CACNA1B: variants seen among roughly 807,000 people sequenced by gnomAD.
The protein encoded by CACNA1B is voltage-dependent N-type calcium channel subunit alpha-1B.
A neutral mutation model predicts 247.2 loss-of-function variants in CACNA1B; 70 were observed. The observed-to-expected ratio is 0.28, with a 90% confidence interval of 0.23 to 0.35. The LOEUF (loss-of-function observed/expected upper bound fraction) is 0.35. Among genes scored for constraint, CACNA1B ranks in the 10% least tolerant of loss-of-function variants. The pLI, the probability that CACNA1B is intolerant of heterozygous loss-of-function variation, is 1.00. For synonymous variants in CACNA1B, 1,231 were observed against 1,294.4 expected (o/e 0.95, Z 1.05); for missense variants, 2,367 against 3,197.4 (o/e 0.74, Z 6.26).
At chr9:137,978,158 C>T (rs1467230050) in intron 12 of CACNA1B, among the ~76,000 whole-genome samples, 7 of 144,692 alleles carry the variant, frequency 4.8e-5, no homozygotes, top group Non-Finnish European at 9.1e-5. Flanking sequence ...AGCACTACTT[C>T]CCCCCCAGGA....
rs201281735 is a variant in CACNA1B, at chr9:137,986,897, G to A, written c.1974+43G>A. On this transcript the variant is annotated intron_variant, in intron 15 of 46. Coordinates refer to ENST00000371372, the MANE Select transcript of CACNA1B (RefSeq NM_000718.4). The surrounding 1 kb of genome is among the most constrained non-coding windows in gnomAD (Gnocchi z 6.0). ...CACATTTGCGGCCTGCCCGGCTCCC[G>A]TCTCCCCTGGGTGCTGGGAAGGCGG... 12 of 1,437,042 alleles carry A rather than the reference G, an allele frequency of 8.4e-6. No homozygotes were observed. The highest frequency in any genetic ancestry group is 3.4e-5 in the South Asian group (3 of 87,362). The allele number at this position is 1,437,042 out of a possible 1,614,324, so 89.0% of individuals were successfully genotyped here.
intron 20 of CACNA1B, among the ~76,000 whole-genome samples, chr9:138,035,995 A>G (rs1959037895): frequency 6.6e-6 from 1 of 152,192 alleles, no homozygotes; most frequent in Non-Finnish European, 1.5e-5. Flanking sequence ...TCTAATTGAC[A>G]GAGATTTCTC....
chr9:137,985,338 G>T (rs1589049389), intron 13 of CACNA1B, among the ~76,000 whole-genome samples: 2 of 152,182 alleles, frequency 1.3e-5, no homozygotes, highest in South Asian at 4.1e-4. Context: ...TCAGACTTCT[G>T]TTGCCTTCCC....
intron 3 of CACNA1B, among the ~76,000 whole-genome samples, chr9:137,901,516 G>A (rs1174353736): frequency 6.6e-6 from 1 of 151,904 alleles, no homozygotes; most frequent in Non-Finnish European, 1.5e-5. Context: ...AGTAGCGATG[G>A]GGTTATTATT....
rs995001888 is a variant in CACNA1B, at chr9:138,023,136, G to A, written c.2393G>A (p.Arg798His). The change falls in exon 19 of 47, where the codon CGC (arginine) becomes CAC (histidine). Residue 798 changes from arginine to histidine, a missense_variant. Arg to His is a conservative substitution (Grantham distance 29). Coordinates refer to ENST00000371372, the MANE Select transcript of CACNA1B (RefSeq NM_000718.4). ...GAGATGGACCCCGAGGAGCGGCTGC[G>A]CTTCGCCACTACGCGCCACCTGCGG... ...YSEMDPEERLRFATTRHLRPD... is the reference protein window; with the variant it reads ...YSEMDPEERLHFATTRHLRPD... 3 of 1,536,860 alleles carry A rather than the reference G, an allele frequency of 2.0e-6. No individual in the cohort carries two copies. Among genetic ancestry groups the A allele is most frequent in the African/African-American group, 2.8e-5 (2 of 71,448 alleles).
At chr9:137,926,108 G>A (rs1445684757) in intron 6 of CACNA1B, among the ~76,000 whole-genome samples, 5 of 127,772 alleles carry the variant, frequency 3.9e-5, no homozygotes, top group Admixed American at 9.9e-5. Context: ...TCACTCTGTC[G>A]CCCAGGCTGG....
At chr9:137,921,317 G>A (rs1024118481) in intron 6 of CACNA1B, among the ~76,000 whole-genome samples, 20 of 132,276 alleles carry the variant, frequency 1.5e-4, no homozygotes, top group Middle Eastern at 5.7e-3. Context: ...CCACGGCCGC[G>A]CAGCATCCTG....
chr9:137,885,142 G>T (rs1266472127), intron 3 of CACNA1B, among the ~76,000 whole-genome samples: 2 of 150,294 alleles, frequency 1.3e-5, no homozygotes, highest in African/African-American at 4.9e-5. Flanking sequence ...CGTTGCTGGG[G>T]TGGCTCCCAG....
In CACNA1B at chr9:138,102,676, C is replaced by G. The variant is rs1373580301; in HGVS notation, c.5223-35C>G. The G allele has an allele frequency of 7.2e-7, 1 of 1,380,738 alleles. No homozygotes were observed. Among genetic ancestry groups the G allele is most frequent in the Non-Finnish European group, 1.0e-6 (1 of 977,024 alleles). The allele number at this position is 1,380,738 out of a possible 1,614,324, so 85.5% of individuals were successfully genotyped here. On this transcript the variant is annotated intron_variant, in intron 37 of 46. Coordinates refer to ENST00000371372, the MANE Select transcript of CACNA1B (RefSeq NM_000718.4). The surrounding 1 kb of genome is among the most constrained non-coding windows in gnomAD (Gnocchi z 5.4). Reference sequence around the variant, plus strand: ...CTGCCGCTCCTCCTGTGGACCACCCCACTGTGCCCTGGCCTCGCTGGGACG... The same window carrying G: ...CTGCCGCTCCTCCTGTGGACCACCCGACTGTGCCCTGGCCTCGCTGGGACG...
chr9:138,028,585 C>T (rs1958950345), intron 20 of CACNA1B, among the ~76,000 whole-genome samples: 1 of 152,146 alleles, frequency 6.6e-6, no homozygotes, highest in Non-Finnish European at 1.5e-5. Context: ...AACAAAAGTT[C>T]TCTGAAAAGG....
chr9:137,948,602 G>A (rs1332447699), intron 6 of CACNA1B, among the ~76,000 whole-genome samples: 1 of 151,984 alleles, frequency 6.6e-6, no homozygotes, highest in Non-Finnish European at 1.5e-5. Context: ...GCAAGGTTAA[G>A]GACATGCCCA....
In CACNA1B at chr9:137,974,379, C is replaced by G. The variant is rs1386815505; in HGVS notation, c.1544-1528C>G. On this transcript the variant is annotated intron_variant, in intron 11 of 46. Transcript: ENST00000371372. The surrounding 1 kb of genome is among the most constrained non-coding windows in gnomAD (Gnocchi z 4.5). ...TATCATCCCATGCTTAGCTTGAGTGCCTGGTGATTTTCTGGCTGGTGTCAG... is the reference window on the plus strand; with the variant it reads ...TATCATCCCATGCTTAGCTTGAGTGGCTGGTGATTTTCTGGCTGGTGTCAG... Among the ~76,000 whole-genome samples the G allele has an allele frequency of 6.6e-6, 1 of 152,174 alleles. No homozygotes were observed. Among genetic ancestry groups the G allele is most frequent in the Non-Finnish European group, 1.5e-5 (1 of 68,036 alleles).
At position 138,073,062 on chromosome 9, in the gene CACNA1B, C is replaced by T. The variant is rs1226672851; in HGVS notation, c.4675-426C>T. Among the ~76,000 whole-genome samples the T allele has an allele frequency of 6.6e-6, 1 of 152,174 alleles. No homozygotes were observed. The highest frequency in any genetic ancestry group is 1.5e-5 in the Non-Finnish European group (1 of 68,036). On this transcript the variant is annotated intron_variant, in intron 32 of 46. Coordinates refer to ENST00000371372, the MANE Select transcript of CACNA1B (RefSeq NM_000718.4). This position sits in a 1 kb window ranked among gnomAD's most constrained non-coding sequence, Gnocchi z 6.4. ...CGTGAAGCCTGGGCGGGGGTCCCTT[C>T]CGGGGTGCTGGGTGGAGAAGCAGTC...
intron 18 of CACNA1B, 91 bp downstream of exon 18, chr9:138,013,326 C>A (rs930997477): frequency 2.1e-6 from 2 of 944,124 alleles, no homozygotes; most frequent in Non-Finnish European, 3.1e-6. Flanking sequence ...CTTCCAGAGG[C>A]TTCCTCAGAG....
chr9:137,926,068 CTT>C (rs71387875), intron 6 of CACNA1B, among the ~76,000 whole-genome samples: 81 of 105,166 alleles, frequency 7.7e-4, no homozygotes, highest in African/African-American at 1.8e-3. Context: ...TTTTTCCTTT[CTT>C]TTTTTTTTTT....
Position 138,059,304 on chromosome 9 carries a change from G to A in CACNA1B, c.4584+115G>A, listed in dbSNP as rs1959631194. 2.9e-6 allele frequency: 2 copies of A among 678,706 alleles called. No homozygotes were observed. Among genetic ancestry groups the A allele is most frequent in the East Asian group, 2.7e-5 (1 of 36,698 alleles). The allele number at this position is 678,706 out of a possible 1,614,324, so 42.0% of individuals were successfully genotyped here. On this transcript the variant is annotated intron_variant, in intron 30 of 46. Coordinates refer to ENST00000371372, the MANE Select transcript of CACNA1B (RefSeq NM_000718.4). The surrounding 1 kb of genome is among the most constrained non-coding windows in gnomAD (Gnocchi z 4.2). ...GCTGGGAATTCTCCGAGTACCCAGA[G>A]TATATGTAATGCTACAGGGGCCCTG...
intron 3 of CACNA1B, among the ~76,000 whole-genome samples, chr9:137,901,227 G>A (rs1957236020): frequency 6.6e-6 from 1 of 150,630 alleles, no homozygotes; most frequent in Admixed American, 6.6e-5. Flanking sequence ...GTGTCCCTGT[G>A]TCTGTGTCTG....
intron 11 of CACNA1B, among the ~76,000 whole-genome samples, chr9:137,975,573 C>G (rs759646350): frequency 2.0e-5 from 3 of 152,148 alleles, no homozygotes; most frequent in Admixed American, 6.5e-5. Context: ...CTCATAGCCC[C>G]AGGACCTCCT....
At chr9:138,053,735 C>T in intron 25 of CACNA1B, 111 bp from the exon 26 acceptor site, 1 of 759,120 alleles carries the variant, frequency 1.3e-6, no homozygotes, top group South Asian at 1.6e-5. Context: ...CTTGGCTTCA[C>T]CCCCTCATCG....
Sources: gnomAD v4.1 joint callset for allele counts (sites outside exome capture counted in the v4.1 genomes callset) on GRCh38, gnomAD v4.1.1 for gene constraint, Gnocchi (gnomAD v3.1) non-coding constraint, MANE v1.5 for transcripts, NCBI Gene and HGNC (gene_info 2026-07-23, HGNC 2026-07-21) for gene names.